Variants in DSCAM observed in about 807,000 individuals in gnomAD.
The protein encoded by DSCAM is cell adhesion molecule DSCAM.
DSCAM carries 47 observed loss-of-function variants against 217.7 expected under a neutral mutation model. The observed-to-expected ratio is 0.22, with a 90% CI of 0.17 to 0.28. DSCAM has a LOEUF of 0.28. DSCAM is among the 10% of genes least tolerant of loss of function. DSCAM has a pLI of 1.00. For missense variants in DSCAM, 2,080 were observed against 2,618.3 expected (o/e 0.79, Z 4.49); for synonymous variants, 1,056 against 1,015.3 (o/e 1.04, Z -0.76).
rs1007336418 is a variant in DSCAM at position 40,353,777 on chromosome 21, A to G, written c.656-34T>C. 4.7e-6 allele frequency: 7 copies of G among 1,483,260 alleles called. No homozygotes were observed. The African/African-American group carries it at 8.6e-5, about 18-fold the overall frequency. 91.9% of individuals were successfully genotyped at this position (1,483,260 alleles called of 1,614,324 possible). A position where few individuals can be genotyped will look rare whatever the true frequency, so the allele number is the denominator to read the frequency against. Reference sequence around the variant, plus strand: ...GAAATAAAAACTCTTAGAGGCAGGAATGAGGAGTTGAAGTGGTCATTTAGA... The same window carrying G: ...GAAATAAAAACTCTTAGAGGCAGGAGTGAGGAGTTGAAGTGGTCATTTAGA... On this transcript the variant is annotated intron_variant, in intron 4 of 32. Coordinates refer to ENST00000400454, the MANE Select transcript of DSCAM (RefSeq NM_001389.5).
chr21:40,349,463 T>C (rs1430159719), intron 5 of DSCAM, among the ~76,000 whole-genome samples: 1 of 152,170 alleles, frequency 6.6e-6, no homozygotes, highest in African/African-American at 2.4e-5. Context: ...TAATCCAATG[T>C]AGAAAACATT....
intron 16 of DSCAM, among the ~76,000 whole-genome samples, 162 bp downstream of exon 16, chr21:40,167,056 G>A (rs1381484910): frequency 6.6e-6 from 1 of 151,610 alleles, no homozygotes; most frequent in Middle Eastern, 3.2e-3. Flanking sequence ...TATTCAAAAT[G>A]TGGATACAAA....
chr21:40,266,558 A>C (rs2073530141), intron 11 of DSCAM, among the ~76,000 whole-genome samples: 1 of 148,710 alleles, frequency 6.7e-6, no homozygotes, highest in Admixed American at 6.7e-5. Context: ...GTCTATGTTT[A>C]TCACAGCACA....
chr21:40,013,411 G>T, intron 32 of DSCAM, 25 bp from the exon 33 acceptor site: 1 of 1,483,030 alleles, frequency 6.7e-7, no homozygotes, highest in Non-Finnish European at 9.0e-7. Context: ...AGGGTAGTTA[G>T]TTGGTGTCTT....
chr21:40,703,776 G>A (rs35843608), intron 2 of DSCAM, among the ~76,000 whole-genome samples: 13,076 of 152,112 alleles, frequency 0.086, 595 homozygotes, highest in Middle Eastern at 0.14. Context: ...CAACAAATTT[G>A]GAAAATTTTG....
chr21:40,717,662 G>T (rs910507336), intron 1 of DSCAM, among the ~76,000 whole-genome samples: 5 of 152,216 alleles, frequency 3.3e-5, no homozygotes, highest in African/African-American at 1.2e-4. Flanking sequence ...GTTAGGACTG[G>T]GTAACGGGAC....
intron 3 of DSCAM, among the ~76,000 whole-genome samples, chr21:40,591,972 C>G (rs1043244558): frequency 6.6e-6 from 1 of 152,170 alleles, no homozygotes; most frequent in Non-Finnish European, 1.5e-5. Flanking sequence ...CCAGGACTCT[C>G]CCCCATGGCC....
At chr21:40,363,151 G>T (rs986814076) in intron 4 of DSCAM, among the ~76,000 whole-genome samples, 1 of 151,854 alleles carries the variant, frequency 6.6e-6, no homozygotes, top group Non-Finnish European at 1.5e-5. Flanking sequence ...TGTTAGAGGG[G>T]CTTGTTGCTA....
At chr21:40,259,276 C>CTCCTT (rs60746502) in intron 11 of DSCAM, among the ~76,000 whole-genome samples, 1 of 119,754 alleles carries the variant, frequency 8.4e-6, no homozygotes, top group African/African-American at 3.2e-5. Context: ...TTAATGAACT[C>CTCCTT]TTTTTTTTTT....
intron 16 of DSCAM, among the ~76,000 whole-genome samples, chr21:40,157,078 T>A (rs1159506514): frequency 6.6e-6 from 1 of 152,202 alleles, no homozygotes; most frequent in Non-Finnish European, 1.5e-5. Context: ...TGTTGTGGCT[T>A]ACATTTTTAA....
chr21:40,788,943 G>C (rs150834607), intron 1 of DSCAM, among the ~76,000 whole-genome samples: 2,555 of 152,114 alleles, frequency 0.017, 33 homozygotes, highest in Non-Finnish European at 0.026. Flanking sequence ...TAAAAGAACT[G>C]TTTTCTGCTT....
chr21:40,652,300 C>T (rs1164787024), intron 3 of DSCAM, among the ~76,000 whole-genome samples: 1 of 150,910 alleles, frequency 6.6e-6, no homozygotes, highest in Non-Finnish European at 1.5e-5. Flanking sequence ...GCACATGTGC[C>T]CCTGAAGTTA....
chr21:40,365,832 A>G lies in DSCAM; in HGVS notation c.655+3267T>C, dbSNP rs148096468. Among the ~76,000 whole-genome samples, 401 of 152,322 alleles carry G rather than the reference A, an allele frequency of 2.6e-3. 2 individuals carry two copies. The highest frequency in any genetic ancestry group is 9.0e-3 in the African/African-American group (375 of 41,574). On this transcript the variant is annotated intron_variant, in intron 4 of 32. Coordinates refer to ENST00000400454, the MANE Select transcript of DSCAM (RefSeq NM_001389.5). ...GCAGATGTTTTTTACACATTTAACA[A>G]GTCTTTCTAGTTATCCTCAGAGAAA...
chr21:40,591,465 G>C (rs187355970), intron 3 of DSCAM, among the ~76,000 whole-genome samples: 33 of 152,228 alleles, frequency 2.2e-4, no homozygotes, highest in African/African-American at 7.0e-4. Flanking sequence ...CTTACCATTC[G>C]ATATAAGTAA....
chr21:40,546,969 G>A (rs895162250), intron 3 of DSCAM, among the ~76,000 whole-genome samples: 1 of 152,058 alleles, frequency 6.6e-6, no homozygotes, highest in African/African-American at 2.4e-5. Flanking sequence ...CAGTTATTGG[G>A]GGCAAGGGGG....
chr21:40,304,099 T>C (rs1378878911), intron 9 of DSCAM, among the ~76,000 whole-genome samples: 1 of 152,236 alleles, frequency 6.6e-6, no homozygotes, highest in Non-Finnish European at 1.5e-5. Context: ...ATAAGAGCTA[T>C]GAGATTTGGC....
At chr21:40,602,620 A>G (rs2077071112) in intron 3 of DSCAM, among the ~76,000 whole-genome samples, 2 of 152,262 alleles carry the variant, frequency 1.3e-5, no homozygotes, top group South Asian at 4.1e-4. Flanking sequence ...AGGGCTTTTC[A>G]TAACCCTATT....
intron 28 of DSCAM, among the ~76,000 whole-genome samples, chr21:40,057,769 G>A (rs2089049495): frequency 6.6e-6 from 1 of 151,938 alleles, no homozygotes; most frequent in Admixed American, 6.6e-5. Flanking sequence ...ATAAGAAAAC[G>A]GCCCAACAAG....
At chr21:40,480,396 G>T (rs1388462209) in intron 3 of DSCAM, among the ~76,000 whole-genome samples, 2 of 152,152 alleles carry the variant, frequency 1.3e-5, no homozygotes, top group African/African-American at 2.4e-5. Flanking sequence ...TCTGAACTCA[G>T]TGTGAACAAA....
Sources: allele counts gnomAD v4.1 joint callset (sites outside exome capture counted in the v4.1 genomes callset), GRCh38; gene constraint gnomAD v4.1.1; transcripts MANE v1.5; gene names NCBI Gene and HGNC (gene_info 2026-07-23, HGNC 2026-07-21).